Variants in USP6 observed in about 807,000 individuals in gnomAD.
USP6 encodes the protein ubiquitin carboxyl-terminal hydrolase 6.
Under a neutral mutation model 175.7 loss-of-function variants are expected in USP6, and 128 were observed. The observed-to-expected ratio is 0.73, with a 90% CI of 0.63 to 0.84. The LOEUF (loss-of-function observed/expected upper bound fraction) is 0.84. Among genes scored for constraint, USP6 ranks in the 40% least tolerant of loss-of-function variants. The pLI is 0.00. For synonymous variants in USP6, 562 were observed against 630.6 expected (o/e 0.89, Z 1.63); for missense variants, 1,498 against 1,760.3 (o/e 0.85, Z 2.67).
Position 5,141,516 on chromosome 17 carries a change from A to G in USP6, c.1573+17A>G. The G allele has an allele frequency of 6.4e-7, 1 of 1,561,926 alleles. No homozygotes were observed. Among genetic ancestry groups the G allele is most frequent in the African/African-American group, 1.4e-5 (1 of 72,720 alleles). The stretch of plus-strand genomic sequence containing the variant: ...GACAAAAGGGTAAGTCTCCAGTATT[A>G]TTTTTTAAAGAGATTATTTTAAATG... On this transcript the variant is annotated intron_variant, in intron 23 of 37. Transcript: ENST00000574788.
intron 33 of USP6, among the ~76,000 whole-genome samples, chr17:5,165,711 G>A (rs2074083022): frequency 6.6e-6 from 1 of 152,094 alleles, no homozygotes; most frequent in Non-Finnish European, 1.5e-5. Flanking sequence ...TTAAAGATGA[G>A]CTTTAAAGCA....
intron 30 of USP6, among the ~76,000 whole-genome samples, chr17:5,154,607 C>G (rs570665261): frequency 6.6e-6 from 1 of 151,956 alleles, no homozygotes; most frequent in Non-Finnish European, 1.5e-5. Context: ...AAGCTTGTTA[C>G]AAAATAGAAT....
intron 32 of USP6, among the ~76,000 whole-genome samples, chr17:5,162,387 A>G (rs2074021472): frequency 6.6e-6 from 1 of 152,142 alleles, no homozygotes; most frequent in Admixed American, 6.5e-5. Context: ...ACCTCAGGTG[A>G]TCCACCCACC....
rs746824241 is a variant in USP6 at position 5,138,180 on chromosome 17, G to A, written c.985G>A (p.Asp329Asn). ...LWARLRNQFF[D>N]TWAMNDDTVL... ...GGCACGTCTGCGGAACCAATTCTTCGATACCTGGGCCATGAACGATGACAC... is the reference window on the plus strand; with the variant it reads ...GGCACGTCTGCGGAACCAATTCTTCAATACCTGGGCCATGAACGATGACAC... The change falls in exon 21 of 38, where the codon GAT becomes AAT. Residue 329 changes from aspartate to asparagine, a missense_variant. This residue lies in a region of USP6 where 1,217 missense variants were observed against 1,500.8 expected (regional missense o/e 0.81). Transcript: ENST00000574788. 25 of 1,613,928 alleles carry A rather than the reference G, an allele frequency of 1.5e-5. No individual in the cohort carries two copies. Among genetic ancestry groups the A allele is most frequent in the Non-Finnish European group, 1.8e-5 (21 of 1,179,992 alleles).
At chr17:5,137,324 C>T in intron 19 of USP6, 138 bp downstream of exon 19, 1 of 1,182,310 alleles carries the variant, frequency 8.5e-7, no homozygotes, top group Non-Finnish European at 1.2e-6. Flanking sequence ...AAGCAAAACC[C>T]TCTGCCCAAG....
At chr17:5,123,645 G>A (rs2072783752) in intron 4 of USP6, among the ~76,000 whole-genome samples, 1 of 152,150 alleles carries the variant, frequency 6.6e-6, no homozygotes, top group African/African-American at 2.4e-5. Flanking sequence ...GCAGGACAGG[G>A]ACCCGCAGAA....
intron 31 of USP6, among the ~76,000 whole-genome samples, chr17:5,160,182 A>T (rs1246746458): frequency 6.6e-6 from 1 of 152,222 alleles, no homozygotes; most frequent in Non-Finnish European, 1.5e-5. Flanking sequence ...TAGACAGTAC[A>T]GGCTATCAGT....
intron 5 of USP6, among the ~76,000 whole-genome samples, 143 bp from the exon 6 acceptor site, chr17:5,125,670 ACGCACATG>A (rs748024077): frequency 0.059 from 7,794 of 132,984 alleles, 271 homozygotes; most frequent in Non-Finnish European, 0.083. Context: ...ACGCACACAC[ACGCACATG>A]CACACACACA....
chr17:5,118,157 C>T (rs2072576607), intron 1 of USP6, 43 bp from the exon 2 acceptor site: 1 of 152,130 alleles, frequency 6.6e-6, no homozygotes, highest in Non-Finnish European at 1.5e-5. Flanking sequence ...TGTGCTCTCT[C>T]CCTCAGGGAT....
intron 4 of USP6, among the ~76,000 whole-genome samples, chr17:5,123,718 A>T (rs2143759240): frequency 6.6e-6 from 1 of 152,264 alleles, no homozygotes; most frequent in East Asian, 1.9e-4. Context: ...CTCACGGGAC[A>T]CACGCAGGTG....
chr17:5,123,903 GCGCA>G, intron 4 of USP6, among the ~76,000 whole-genome samples: 1 of 135,940 alleles, frequency 7.4e-6, no homozygotes, highest in African/African-American at 2.8e-5. Context: ...GCACGCACGT[GCGCA>G]CACACACACA....
intron 37 of USP6, 98 bp from the exon 38 acceptor site, chr17:5,172,707 G>A: frequency 6.6e-7 from 1 of 1,522,638 alleles, no homozygotes; most frequent in South Asian, 1.3e-5. Flanking sequence ...GAAGCAATCA[G>A]GTTAGTAATT....
chr17:5,141,339 T>G (rs2073439772), intron 22 of USP6, 86 bp from the exon 23 acceptor site: 3 of 1,205,526 alleles, frequency 2.5e-6, no homozygotes, highest in African/African-American at 3.2e-5. Flanking sequence ...AGGAATAAGA[T>G]GTCTTTAAAA....
In USP6 at chr17:5,135,821, G is replaced by T. The variant is rs746948579; in HGVS notation, c.557G>T (p.Cys186Phe). ...TGGCTCTTGCAGGAGGTGGGCTACT[G>T]CAGGGACCTGAGCCACATCACCGCC... is the stretch of plus-strand genomic sequence containing the variant. The part of the protein sequence containing the change: ...YSEYNPEVGY[C>F]RDLSHITALF... Residue 186 changes from cysteine to phenylalanine, a missense_variant, in exon 17 of 38, where the codon TGC becomes TTC. This residue lies in a region of USP6 where 281 missense variants were observed against 259.6 expected (regional missense o/e 1.08). Transcript: ENST00000574788. 4 of 1,598,276 alleles carry T rather than the reference G, an allele frequency of 2.5e-6. No homozygotes were observed. In the South Asian group the frequency reaches 3.3e-5, roughly 13 times the overall value.
intron 33 of USP6, 79 bp from the exon 34 acceptor site, chr17:5,167,853 G>A (rs1022890324): frequency 2.4e-5 from 36 of 1,489,480 alleles, no homozygotes; most frequent in African/African-American, 1.5e-4. Context: ...GTGAGTGACC[G>A]AGCGGTTGAT....
chr17:5,137,035 T>G (rs1471021432), intron 18 of USP6, 86 bp from the exon 19 acceptor site: 16 of 1,429,052 alleles, frequency 1.1e-5, no homozygotes, highest in Non-Finnish European at 1.4e-5. Context: ...TGTTCTGCAC[T>G]AGGGGAAAGG....
At chr17:5,158,713 G>T (rs536200922) in intron 31 of USP6, among the ~76,000 whole-genome samples, 2 of 144,786 alleles carry the variant, frequency 1.4e-5, no homozygotes, top group African/African-American at 5.1e-5. Flanking sequence ...AAAACCAGGA[G>T]TTAAGTGAAG....
intron 30 of USP6, among the ~76,000 whole-genome samples, chr17:5,150,164 C>T (rs2072090015): frequency 6.6e-6 from 1 of 151,920 alleles, no homozygotes. Context: ...TGGTGGCACA[C>T]GACTGTAGTC....
chr17:5,133,169 T>G (rs1213345463), intron 13 of USP6, among the ~76,000 whole-genome samples, 179 bp downstream of exon 13: 2 of 152,026 alleles, frequency 1.3e-5, no homozygotes, highest in Non-Finnish European at 2.9e-5. Flanking sequence ...GTCACCTTGC[T>G]GGGAGGGAAT....
Sources: allele counts gnomAD v4.1 joint callset (sites outside exome capture counted in the v4.1 genomes callset), GRCh38; gene constraint gnomAD v4.1.1; regional missense constraint gnomAD v4.1.1; transcripts MANE v1.5; gene names NCBI Gene and HGNC (gene_info 2026-07-23, HGNC 2026-07-21).